CDC23: variants seen among roughly 807,000 people sequenced by gnomAD.
The protein encoded by CDC23 is cell division cycle protein 23 homolog.
Under a neutral mutation model 81.7 loss-of-function variants are expected in CDC23, and 26 were observed. The ratio of observed to expected loss-of-function variants is 0.32; its 90% CI spans 0.23 to 0.44. The LOEUF (loss-of-function observed/expected upper bound fraction) is 0.44. Among genes scored for constraint, CDC23 ranks in the 20% least tolerant of loss-of-function variants. The pLI is 1.00. For synonymous variants in CDC23, 267 were observed against 270.8 expected (o/e 0.99, Z 0.14); for missense variants, 519 against 728.0 (o/e 0.71, Z 3.30).
chr5:138,202,387 G>T (rs1040066894), intron 3 of CDC23, among the ~76,000 whole-genome samples: 6 of 152,134 alleles, frequency 3.9e-5, no homozygotes, highest in Admixed American at 6.5e-5. Flanking sequence ...AGGTTCAAGT[G>T]ATTCTCCAGC....
rs1754793247 is a variant in CDC23 at position 138,189,071 on chromosome 5, C to G, written c.1701G>C (p.Val567=). The G allele has an allele frequency of 6.2e-7, 1 of 1,614,086 alleles. No homozygotes were observed. The highest frequency in any genetic ancestry group is 1.1e-5 in the South Asian group (1 of 91,070). The part of the protein sequence containing the change: ...RNQGETPTTE[V]PAPFFLPASL... ...AAGCAGGTAGGAAAAAGGGAGCAGG[C>G]ACCTCGGTGGTAGGAGTCTCGCCTT... The change falls in exon 16 of 16, where the codon GTG becomes GTC. Residue 567 remains valine, a synonymous_variant. Transcript: ENST00000394886.
rs928658107 is a variant in CDC23 at position 138,198,297 on chromosome 5, A to T, written c.931-17T>A. On this transcript the variant is annotated splice_polypyrimidine_tract_variant and intron_variant, in intron 8 of 15. Transcript: ENST00000394886. Reference sequence around the variant, plus strand: ...TTTCATGCTCTGGGATAAAAGAAAAAGACAATATAAGCATGAAAAAAGAAC... The same window carrying T: ...TTTCATGCTCTGGGATAAAAGAAAATGACAATATAAGCATGAAAAAAGAAC... The T allele has an allele frequency of 1.1e-5, 17 of 1,607,176 alleles. No individual in the cohort carries two copies. The highest frequency in any genetic ancestry group is 1.4e-5 in the Non-Finnish European group (17 of 1,174,408).
At position 138,212,986 on chromosome 5, in the gene CDC23, C is replaced by T. The variant is rs1225073890; in HGVS notation, c.234+5G>A. On this transcript the variant is annotated splice_donor_5th_base_variant and intron_variant, in intron 2 of 15. Coordinates refer to ENST00000394886, the MANE Select transcript of CDC23 (RefSeq NM_004661.4). Reference sequence around the variant, plus strand: ...GGGGAGCGCTCACTGTAAACATGTCCTTACCTCTGTAATAGGCGGAGGCGG... The same window carrying T: ...GGGGAGCGCTCACTGTAAACATGTCTTTACCTCTGTAATAGGCGGAGGCGG... 3 of 1,613,420 alleles carry T rather than the reference C, an allele frequency of 1.9e-6. No homozygotes were observed. Among genetic ancestry groups the T allele is most frequent in the Admixed American group, 3.3e-5 (2 of 59,972 alleles).
chr5:138,189,767 C>A lies in CDC23; in HGVS notation c.1504-15G>T, dbSNP rs746694846. On this transcript the variant is annotated splice_polypyrimidine_tract_variant and intron_variant, in intron 14 of 15. Transcript: ENST00000394886. Reference sequence around the variant, plus strand: ...TCTACTATTTCCTAGAAAGGGAAAGCAAAATTACTGAGGTGACAGTAATAA... The same window carrying A: ...TCTACTATTTCCTAGAAAGGGAAAGAAAAATTACTGAGGTGACAGTAATAA... 2 of 1,613,186 alleles carry A rather than the reference C, an allele frequency of 1.2e-6. No homozygotes were observed. The highest frequency in any genetic ancestry group is 1.7e-6 in the Non-Finnish European group (2 of 1,179,302).
chr5:138,190,846 A>G (rs973762693), intron 13 of CDC23, among the ~76,000 whole-genome samples: 4 of 150,942 alleles, frequency 2.7e-5, no homozygotes, highest in African/African-American at 7.3e-5. Context: ...CCTGGTCATC[A>G]CAGCAAGATC....
intron 2 of CDC23, 108 bp from the exon 3 acceptor site, chr5:138,206,792 T>C (rs1561637468): frequency 3.0e-5 from 31 of 1,039,326 alleles, no homozygotes; most frequent in Non-Finnish European, 1.8e-5. Flanking sequence ...AGGATTGTTT[T>C]CTTCCTCCTA....
intron 3 of CDC23, among the ~76,000 whole-genome samples, chr5:138,204,559 A>G (rs1439981590): frequency 2.6e-5 from 4 of 151,886 alleles, no homozygotes; most frequent in Non-Finnish European, 2.9e-5. Context: ...TATTCTCGCA[A>G]CTTGTCAATT....
intron 6 of CDC23, 38 bp from the exon 7 acceptor site, chr5:138,198,820 T>C: frequency 6.3e-7 from 1 of 1,578,814 alleles, no homozygotes; most frequent in East Asian, 2.2e-5. Context: ...TTAATATAAC[T>C]TGACCTCTCT....
chr5:138,201,110 C>T lies in CDC23; in HGVS notation c.651G>A (p.Glu217=). 3 of 1,613,522 alleles carry T rather than the reference C, an allele frequency of 1.9e-6. No homozygotes were observed. The highest frequency in any genetic ancestry group is 2.7e-5 in the African/African-American group (2 of 75,040). ...CACATAGCTCATCACAATTTACCAT[C>T]TCTTTGTCTGTGATCAGGTTACAGA... is the stretch of plus-strand genomic sequence containing the variant. ...LELCNLITDK[E]MLKFLSLPDT... Residue 217 remains glutamate (E), a synonymous_variant, in exon 6 of 16, where the codon GAG becomes GAA. Coordinates refer to ENST00000394886, the MANE Select transcript of CDC23 (RefSeq NM_004661.4).
At chr5:138,206,878 CTTTT>C (rs905919467) in intron 2 of CDC23, among the ~76,000 whole-genome samples, 194 bp from the exon 3 acceptor site, 1 of 131,036 alleles carries the variant, frequency 7.6e-6, no homozygotes, top group South Asian at 2.3e-4. Context: ...CCATAGAACT[CTTTT>C]TTTTTTTTTT....
intron 5 of CDC23, 36 bp downstream of exon 5, chr5:138,201,307 A>T (rs776577537): frequency 6.2e-7 from 1 of 1,612,732 alleles, no homozygotes; most frequent in Non-Finnish European, 8.5e-7. Flanking sequence ...TCAGGAGAAT[A>T]TGTTACAGAA....
At chr5:138,205,260 T>A (rs1210487825) in intron 3 of CDC23, among the ~76,000 whole-genome samples, 1 of 152,234 alleles carries the variant, frequency 6.6e-6, no homozygotes, top group Non-Finnish European at 1.5e-5. Flanking sequence ...TGTGAAAGAT[T>A]AACTTTTTAA....
At position 138,189,623 on chromosome 5, in the gene CDC23, T is replaced by G. The variant is rs1334093402; in HGVS notation, c.1623+10A>C. The stretch of plus-strand genomic sequence containing the variant: ...AAATTCAAACCTTTTATTAAAGAAC[T>G]GATACTCACATCATTAAATGCACAA... On this transcript the variant is annotated intron_variant, in intron 15 of 15. Coordinates refer to ENST00000394886, the MANE Select transcript of CDC23 (RefSeq NM_004661.4). 8 of 1,608,074 alleles carry G rather than the reference T, an allele frequency of 5.0e-6. No individual in the cohort carries two copies. The Admixed American group carries it at 8.5e-5, about 17-fold the overall frequency.
At chr5:138,193,992 C>T (rs1443530056) in intron 9 of CDC23, among the ~76,000 whole-genome samples, 1 of 151,828 alleles carries the variant, frequency 6.6e-6, no homozygotes, top group Non-Finnish European at 1.5e-5. Flanking sequence ...TCTAAGTTTC[C>T]GTCTCACACA....
intron 9 of CDC23, among the ~76,000 whole-genome samples, chr5:138,195,490 A>C (rs895364554): frequency 7.5e-6 from 1 of 132,710 alleles, no homozygotes; most frequent in African/African-American, 2.8e-5. Context: ...TGCAGTATAC[A>C]TATATGTAAA....
intron 15 of CDC23, 89 bp from the exon 16 acceptor site, chr5:138,189,237 G>A: frequency 8.0e-7 from 1 of 1,242,326 alleles, no homozygotes; most frequent in Non-Finnish European, 1.1e-6. Flanking sequence ...AAGTTCCACA[G>A]ATCAAGGAGG....
At chr5:138,189,778 A>G in intron 14 of CDC23, 26 bp from the exon 15 acceptor site, 1 of 1,612,986 alleles carries the variant, frequency 6.2e-7, no homozygotes, top group African/African-American at 1.3e-5. Flanking sequence ...AAAATTACTG[A>G]GGTGACAGTA....
chr5:138,202,170 C>A lies in CDC23; in HGVS notation c.373-15G>T. The A allele has an allele frequency of 6.3e-7, 1 of 1,595,768 alleles. No individual in the cohort carries two copies. The highest frequency in any genetic ancestry group is 1.1e-5 in the South Asian group (1 of 89,816). ...TTTTCTCCAGACTGTAAGAGAAAAT[C>A]AACAAATAGGTCTTTTTTCAGTTTA... On this transcript the variant is annotated splice_polypyrimidine_tract_variant and intron_variant, in intron 3 of 15. Coordinates refer to ENST00000394886, the MANE Select transcript of CDC23 (RefSeq NM_004661.4).
At chr5:138,203,441 A>G (rs762747989) in intron 3 of CDC23, among the ~76,000 whole-genome samples, 25 of 152,304 alleles carry the variant, frequency 1.6e-4, no homozygotes, top group African/African-American at 2.9e-4. Context: ...TTGATTAAAA[A>G]AAAGAAAGAA....
Sources: allele counts gnomAD v4.1 joint callset (sites outside exome capture counted in the v4.1 genomes callset), GRCh38; gene constraint gnomAD v4.1.1; transcripts MANE v1.5; gene names NCBI Gene and HGNC (gene_info 2026-07-23, HGNC 2026-07-21).